ALKAL2: variants seen among roughly 807,000 people sequenced by gnomAD.
ALKAL2 encodes ALK and LTK ligand 2.
Under a neutral mutation model 18.5 loss-of-function variants are expected in ALKAL2, and 8 were observed. That is an observed-to-expected ratio of 0.43 (90% CI 0.25 to 0.78). The LOEUF is 0.78. Ranked by LOEUF, ALKAL2 falls within the 30% of genes least tolerant of loss-of-function variation. The pLI is 0.22. For synonymous variants in ALKAL2, 135 were observed against 95.8 expected, an observed-to-expected ratio of 1.41 and a Z score of -2.39; for missense variants, 241 against 211.2, an observed-to-expected ratio of 1.14 and a Z score of -0.88.
intron 4 of ALKAL2, among the ~76,000 whole-genome samples, chr2:284,408 C>T (rs1670440701): frequency 6.6e-6 from 1 of 152,192 alleles, no homozygotes; most frequent in South Asian, 2.1e-4. Context: ...TCCTTCAGGT[C>T]TGATATTCCA....
At position 287,608 on chromosome 2, in the gene ALKAL2, C is replaced by G; in HGVS notation, c.228G>C (p.Leu76=). ...CCACTCGCTGCTCCGGCGAAGGCCC[C>G]AGCCCCGCCGCCTCCGCGCGGCCCA... ...CALGRAEAAG[L]GPSPEQRVEI... is the part of the protein sequence containing the mutation. Residue 76 remains leucine (L), a synonymous_variant, in exon 2 of 6, where the codon CTG becomes CTC. Transcript: ENST00000403610. 1 of 1,476,052 alleles carries G rather than the reference C, an allele frequency of 6.8e-7. No individual in the cohort carries two copies. The highest frequency in any genetic ancestry group is 8.9e-7 in the Non-Finnish European group (1 of 1,119,480). The allele number at this position is 1,476,052 out of a possible 1,614,324, so 91.4% of individuals were successfully genotyped here.
At chr2:283,220 A>G in intron 4 of ALKAL2, 45 bp from the exon 5 acceptor site, 2 of 1,481,718 alleles carry the variant, frequency 1.3e-6, no homozygotes, top group South Asian at 2.4e-5. Context: ...CTTAAAAAAC[A>G]AATAAATCGC....
At position 287,775 on chromosome 2, in the gene ALKAL2, G is replaced by GGCC; in HGVS notation, c.60_61insGGC (p.Gly20dup). 1 of 1,406,592 alleles carries GGCC rather than the reference G, an allele frequency of 7.1e-7. No homozygotes were observed. The highest frequency in any genetic ancestry group is 9.2e-7 in the Non-Finnish European group (1 of 1,085,656). 87.1% of individuals were successfully genotyped at this position (1,406,592 alleles called of 1,614,324 possible). ...CGGGGCTCCGCGCCCCCCCGGCCGC[G>GGCC]CCCCGCCGCCCCCAGCACCAGCAGC... On this transcript the variant is annotated inframe_insertion, in exon 2 of 6. Coordinates refer to ENST00000403610, the MANE Select transcript of ALKAL2 (RefSeq NM_001002919.3).
chr2:283,377 A>G (rs1670413549), intron 4 of ALKAL2: 13 of 985,300 alleles, frequency 1.3e-5, no homozygotes, highest in Admixed American at 6.1e-5. Context: ...TTGAGCTTCA[A>G]TGGCAGAAGT....
In ALKAL2 at chr2:283,442, GGC is replaced by G. The variant is rs1344138326; in HGVS notation, c.389-269_389-268del. 4.1e-6 allele frequency: 4 copies of G among 985,288 alleles called. No homozygotes were observed. The African/African-American group carries it at 5.2e-5, about 13-fold the overall frequency. 61.0% of individuals were successfully genotyped at this position (985,288 alleles called of 1,614,324 possible). A position where few individuals can be genotyped will look rare whatever the true frequency, so the allele number is the denominator to read the frequency against. Reference sequence around the variant, plus strand: ...AGAGGGACAGACACGAAGGCTGCATGGCTGAGCTGGCTGCCCATTGCTTCTCT... The same window carrying G: ...AGAGGGACAGACACGAAGGCTGCATGTGAGCTGGCTGCCCATTGCTTCTCT... On this transcript the variant is annotated intron_variant, in intron 4 of 5. Coordinates refer to ENST00000403610, the MANE Select transcript of ALKAL2 (RefSeq NM_001002919.3).
intron 3 of ALKAL2, 23 bp from the exon 4 acceptor site, chr2:286,226 G>C (rs1340008466): frequency 6.8e-6 from 11 of 1,612,250 alleles, no homozygotes; most frequent in Middle Eastern, 1.6e-4. Context: ...AGAAGAAACA[G>C]ATCATGAAGA....
intron 2 of ALKAL2, chr2:286,594 G>A: frequency 2.3e-6 from 1 of 427,022 alleles, no homozygotes. Flanking sequence ...CTACCCCGTG[G>A]GATGCAGACA....
chr2:283,503 A>G (rs920076774), intron 4 of ALKAL2: 1 of 985,274 alleles, frequency 1.0e-6, no homozygotes, highest in African/African-American at 1.7e-5. Context: ...CTACGTGACA[A>G]TCCTTCCGTA....
At chr2:280,177 A>T in intron 5 of ALKAL2, 25 bp from the exon 6 acceptor site, 1 of 1,613,822 alleles carries the variant, frequency 6.2e-7, no homozygotes, top group Non-Finnish European at 8.5e-7. Context: ...ATTGCGTGTG[A>T]TATGACTATC....
chr2:285,914 CTG>C, intron 4 of ALKAL2: 1 of 543,102 alleles, frequency 1.8e-6, no homozygotes. Flanking sequence ...ATTCCAATGA[CTG>C]TAAATAATTT....
At chr2:283,313 C>G in intron 4 of ALKAL2, 138 bp from the exon 5 acceptor site, 16 of 1,446,198 alleles carry the variant, frequency 1.1e-5, no homozygotes, top group Non-Finnish European at 1.5e-5. Flanking sequence ...GGAGTCTAAT[C>G]TGCAGGCATG....
intron 4 of ALKAL2, among the ~76,000 whole-genome samples, chr2:285,015 G>A (rs541803483): frequency 1.3e-5 from 2 of 152,310 alleles, no homozygotes; most frequent in African/African-American, 4.8e-5. Flanking sequence ...TTCAGGAAGT[G>A]TGTGCTGCTG....
At chr2:280,300 G>A (rs968936893) in intron 5 of ALKAL2, 148 bp from the exon 6 acceptor site, 3 of 869,720 alleles carry the variant, frequency 3.4e-6, no homozygotes, top group Non-Finnish European at 5.7e-6. Context: ...GATCCAAAAA[G>A]TGTAGTCTAT....
chr2:287,930 C>G, intron 1 of ALKAL2, 38 bp from the exon 2 acceptor site: 1 of 1,214,806 alleles, frequency 8.2e-7, no homozygotes, highest in Non-Finnish European at 1.0e-6. Flanking sequence ...GAGAGAAAGT[C>G]AGCGGGGGAG....
Position 288,058 on chromosome 2 carries a change from T to A in ALKAL2, c.-103A>T. 2.5e-6 allele frequency: 3 copies of A among 1,208,680 alleles called. No individual in the cohort carries two copies. Among genetic ancestry groups the A allele is most frequent in the Non-Finnish European group, 3.1e-6 (3 of 974,628 alleles). 74.9% of individuals were successfully genotyped at this position (1,208,680 alleles called of 1,614,324 possible). On this transcript the variant is annotated 5_prime_UTR_variant, in exon 1 of 6. Coordinates refer to ENST00000403610, the MANE Select transcript of ALKAL2 (RefSeq NM_001002919.3). The stretch of plus-strand genomic sequence containing the variant: ...AAGCCGGCAGGTGAGGGAGCCGCGG[T>A]CTCCTCGACGATCACGCCCGAGGTC...
At chr2:283,289 C>T in intron 4 of ALKAL2, 114 bp from the exon 5 acceptor site, 1 of 1,485,278 alleles carries the variant, frequency 6.7e-7, no homozygotes, top group South Asian at 1.3e-5. Flanking sequence ...ATCTGAATTC[C>T]CTGGAAGCAA....
At position 279,833 on chromosome 2, in the gene ALKAL2, A is replaced by G. The variant is rs1012600184; in HGVS notation, c.*314T>C. The G allele has an allele frequency of 3.1e-5, 10 of 319,506 alleles. No individual in the cohort carries two copies. The highest frequency in any genetic ancestry group is 5.1e-5 in the Non-Finnish European group (9 of 174,850). The allele number at this position is 319,506 out of a possible 1,614,324, so 19.8% of individuals were successfully genotyped here. On this transcript the variant is annotated 3_prime_UTR_variant, in exon 6 of 6. Coordinates refer to ENST00000403610, the MANE Select transcript of ALKAL2 (RefSeq NM_001002919.3). ...ATTCTGCTTATGTTTCTAAAGAAATATTTTTTGCGATTTCACCTAATGAAG... is the reference window on the plus strand; with the variant it reads ...ATTCTGCTTATGTTTCTAAAGAAATGTTTTTTGCGATTTCACCTAATGAAG...
At chr2:287,448 T>TA (rs67240058) in intron 2 of ALKAL2, 135 bp downstream of exon 2, 559 of 440,864 alleles carry the variant, frequency 1.3e-3, no homozygotes, top group East Asian at 3.7e-3. Context: ...TTCTTTTTCT[T>TA]AAAAAAAAAA....
At chr2:283,572 A>G (rs1670418573) in intron 4 of ALKAL2, 1 of 985,292 alleles carries the variant, frequency 1.0e-6, no homozygotes, top group Non-Finnish European at 1.2e-6. Context: ...TGACCATGGG[A>G]CAAAGCCTTC....
Sources: gnomAD v4.1 joint callset for allele counts (sites outside exome capture counted in the v4.1 genomes callset) on GRCh38, gnomAD v4.1.1 for gene constraint, MANE v1.5 for transcripts, NCBI Gene and HGNC (gene_info 2026-07-23, HGNC 2026-07-21) for gene names.